SMTN: variants seen among roughly 807,000 people sequenced by gnomAD.
The protein encoded by SMTN is smoothelin.
A neutral mutation model predicts 102.0 loss-of-function variants in SMTN; 58 were observed. The ratio of observed to expected loss-of-function variants is 0.57; its 90% CI spans 0.46 to 0.71. SMTN has a LOEUF of 0.71. Ranked by LOEUF, SMTN falls within the 30% of genes least tolerant of loss-of-function variation. The probability of loss-of-function intolerance (pLI) is 0.00; values close to 1 mark genes in which losing one functional copy is unlikely to be tolerated. For missense variants in SMTN, 1,185 were observed against 1,241.7 expected, an observed-to-expected ratio of 0.95 and a Z score of 0.69; for synonymous variants, 478 against 497.9, an observed-to-expected ratio of 0.96 and a Z score of 0.53.
chr22:31,079,433 T>C (rs1280699207), upstream of SMTN, among the ~76,000 whole-genome samples: 2 of 152,198 alleles, frequency 1.3e-5, no homozygotes, highest in Admixed American at 1.3e-4. Flanking sequence ...ACCTGTACCA[T>C]TCCTCCTAGC....
chr22:31,091,954 C>A, intron 11 of SMTN, 107 bp downstream of exon 11: 1 of 1,115,630 alleles, frequency 9.0e-7, no homozygotes, highest in Non-Finnish European at 1.2e-6. Flanking sequence ...ACTGCACACA[C>A]AGAGAAACCG....
At chr22:31,088,423 C>G in intron 3 of SMTN, 90 bp from the exon 4 acceptor site, 1 of 1,156,100 alleles carries the variant, frequency 8.6e-7, no homozygotes, top group East Asian at 2.3e-5. Flanking sequence ...TGCCAAGGTT[C>G]TGGGTACTCT....
At chr22:31,068,789 T>G (rs1457095082) in intron 1 of SMTN, among the ~76,000 whole-genome samples, 2 of 152,152 alleles carry the variant, frequency 1.3e-5, no homozygotes, top group Non-Finnish European at 2.9e-5. Flanking sequence ...ATTAATCATT[T>G]CCGATCGTCA....
intron 1 of SMTN, among the ~76,000 whole-genome samples, chr22:31,071,550 G>A (rs1343030083): frequency 1.3e-5 from 2 of 151,940 alleles, no homozygotes; most frequent in Admixed American, 6.6e-5. Flanking sequence ...CCAGGAGGTC[G>A]AGGCTGCAGT....
Position 31,091,218 on chromosome 22 carries a change from G to T in SMTN, c.1195G>T (p.Gly399Ter). The T allele has an allele frequency of 1.9e-6, 3 of 1,611,636 alleles. No individual in the cohort carries two copies. The highest frequency in any genetic ancestry group is 2.5e-6 in the Non-Finnish European group (3 of 1,179,184). The change falls in exon 10 of 21, where the codon GGA becomes TGA. Residue 399 changes from glycine to a stop codon, truncating the protein, a stop_gained. Transcript: ENST00000333137. LOFTEE classifies it high-confidence loss of function. ...CTCCCGGTTCAGCAAGGAGCAACGA[G>T]GAGTAGCCCAGCCCCTGGCCCAGCT... ...TSSRFSKEQRGVAQPLAQLRS... is the reference protein window; with the variant it reads ...TSSRFSKEQR
chr22:31,067,761 T>C (rs971965435), intron 1 of SMTN: 1 of 152,170 alleles, frequency 6.6e-6, no homozygotes, highest in Non-Finnish European at 1.5e-5. Flanking sequence ...GGTTTCACCA[T>C]GTTAGCCGGG....
At chr22:31,085,010 T>C (rs985319003) in intron 2 of SMTN, 7 of 1,492,790 alleles carry the variant, frequency 4.7e-6, no homozygotes, top group South Asian at 1.3e-5. Flanking sequence ...TCTGGCCGAT[T>C]TGGGGACGCG....
chr22:31,082,756 T>C (rs2042394766), intron 1 of SMTN: 1 of 1,035,670 alleles, frequency 9.7e-7, no homozygotes, highest in Non-Finnish European at 1.4e-6. Flanking sequence ...AAGCTGAGCC[T>C]GCGGAGTGGG....
chr22:31,086,093 C>A (rs1279689013), intron 2 of SMTN, among the ~76,000 whole-genome samples: 4 of 152,212 alleles, frequency 2.6e-5, no homozygotes, highest in Non-Finnish European at 5.9e-5. Flanking sequence ...AGGCTCTAGG[C>A]CTGAGACACA....
intron 2 of SMTN, 122 bp from the exon 3 acceptor site, chr22:31,087,843 G>A (rs1407403618): frequency 2.7e-6 from 3 of 1,108,272 alleles, no homozygotes; most frequent in African/African-American, 1.6e-5. Context: ...GGCACGTGAA[G>A]AGCTTGGGAC....
At chr22:31,075,193 C>CA (rs1266289810) in intron 1 of SMTN, among the ~76,000 whole-genome samples, 1 of 152,120 alleles carries the variant, frequency 6.6e-6, no homozygotes, top group Non-Finnish European at 1.5e-5. Flanking sequence ...TTGGGCAAGT[C>CA]ACTTTTCTCT....
intron 6 of SMTN, among the ~76,000 whole-genome samples, chr22:31,089,397 C>G (rs889266502): frequency 3.9e-5 from 6 of 152,200 alleles, no homozygotes; most frequent in African/African-American, 7.2e-5. Context: ...AACCTCCACT[C>G]CAGGGATCTA....
chr22:31,073,151 A>G (rs936267531), intron 1 of SMTN, among the ~76,000 whole-genome samples: 1 of 151,414 alleles, frequency 6.6e-6, no homozygotes, highest in African/African-American at 2.4e-5. Context: ...GAGTAGTGGG[A>G]TTACAGGCAT....
chr22:31,092,247 G>A (rs111255150), intron 11 of SMTN, among the ~76,000 whole-genome samples: 2 of 152,272 alleles, frequency 1.3e-5, no homozygotes, highest in African/African-American at 4.8e-5. Flanking sequence ...CATCAGCCCC[G>A]AGGTATAGAG....
At chr22:31,072,861 T>C (rs2042036100) in intron 1 of SMTN, among the ~76,000 whole-genome samples, 1 of 151,556 alleles carries the variant, frequency 6.6e-6, no homozygotes, top group Non-Finnish European at 1.5e-5. Context: ...TAGGCTCAAG[T>C]GATCCTCCCA....
chr22:31,093,763 G>A (rs778702175), intron 11 of SMTN: 13 of 1,585,006 alleles, frequency 8.2e-6, no homozygotes, highest in East Asian at 4.5e-5. Flanking sequence ...GGCTGCCGCC[G>A]ACCCCGAGGC....
In SMTN at chr22:31,091,160, C is replaced by T. The variant is rs143316150; in HGVS notation, c.1137C>T (p.Ser379=). 49 of 1,613,792 alleles carry T rather than the reference C, an allele frequency of 3.0e-5. No individual in the cohort carries two copies. Among genetic ancestry groups the T allele is most frequent in the Non-Finnish European group, 4.0e-5 (47 of 1,179,866 alleles). ...GCACCACCCCTGCCTCCTCCTCCAG[C>T]GGCTCCTCCTCTCGGGGCCCCAGTG... ...LTSTTPASSS[S]GSSSRGPSDT... The change falls in exon 10 of 21, where the codon AGC becomes AGT. Residue 379 remains serine, a synonymous_variant. Coordinates refer to ENST00000333137, the MANE Select transcript of SMTN (RefSeq NM_134269.3).
chr22:31,096,485 G>T, intron 13 of SMTN: 1 of 432,752 alleles, frequency 2.3e-6, no homozygotes, highest in Non-Finnish European at 4.1e-6. Context: ...ATACCCCTTT[G>T]AGTTTAGCTA....
chr22:31,100,366 C>T (rs1021395917), intron 19 of SMTN, among the ~76,000 whole-genome samples: 2 of 152,154 alleles, frequency 1.3e-5, no homozygotes, highest in African/African-American at 4.8e-5. Context: ...ACTTTGGAAT[C>T]GTTGCCCCGT....
Sources: gnomAD v4.1 joint callset for allele counts (sites outside exome capture counted in the v4.1 genomes callset) on GRCh38, gnomAD v4.1.1 for gene constraint, MANE v1.5 for transcripts, NCBI Gene and HGNC (gene_info 2026-07-23, HGNC 2026-07-21) for gene names.